The following ANKRD36C variants were observed in gnomAD, a reference collection of about 807,000 sequenced individuals.
ANKRD36C encodes the protein ankyrin repeat domain 36C, also known as ankyrin repeat domain-containing protein 36C.
Under a neutral mutation model 276.4 loss-of-function variants are expected in ANKRD36C, and 61 were observed. The observed-to-expected ratio is 0.22, with a 90% CI of 0.18 to 0.27. ANKRD36C has a LOEUF of 0.27. ANKRD36C is among the 10% of genes least tolerant of loss of function. ANKRD36C has a pLI of 1.00. For synonymous variants in ANKRD36C, 483 were observed against 680.1 expected, an observed-to-expected ratio of 0.71 and a Z score of 4.51; for missense variants, 1,447 against 2,032.3, an observed-to-expected ratio of 0.71 and a Z score of 5.54.
intron 6 of ANKRD36C, among the ~76,000 whole-genome samples, chr2:95,973,811 G>A (rs1177421829): frequency 6.6e-6 from 1 of 152,174 alleles, no homozygotes; most frequent in Non-Finnish European, 1.5e-5. Context: ...GGAGGCTAAG[G>A]CAGGAGGATC....
At chr2:95,897,701 A>G (rs1676595850) in intron 44 of ANKRD36C, among the ~76,000 whole-genome samples, 1 of 145,772 alleles carries the variant, frequency 6.9e-6, no homozygotes, top group African/African-American at 2.5e-5. Context: ...GTCATATGCC[A>G]AAAACTAAAA....
chr2:95,871,152 G>A (rs956544634), intron 59 of ANKRD36C, among the ~76,000 whole-genome samples: 4 of 152,122 alleles, frequency 2.6e-5, no homozygotes, highest in Admixed American at 2.6e-4. Context: ...TTCAGATTCA[G>A]GAAATACAGA....
At chr2:95,965,091 G>A (rs1049314576) in intron 6 of ANKRD36C, among the ~76,000 whole-genome samples, 2 of 151,588 alleles carry the variant, frequency 1.3e-5, no homozygotes, top group Non-Finnish European at 1.5e-5. Context: ...AATAAGACAC[G>A]CTGAGATCCT....
rs1679138683 is a variant in ANKRD36C, at chr2:95,991,505, C to T, written c.197+7G>A. The T allele has an allele frequency of 6.3e-7, 1 of 1,588,826 alleles. No homozygotes were observed. Among genetic ancestry groups the T allele is most frequent in the East Asian group, 2.3e-5 (1 of 44,004 alleles). Reference sequence around the variant, plus strand: ...CTCCCGCAGCCCCGGCTCCCGGCCCCCATTACCTTTCCTTCCTGTCTCTCT... The same window carrying T: ...CTCCCGCAGCCCCGGCTCCCGGCCCTCATTACCTTTCCTTCCTGTCTCTCT... On this transcript the variant is annotated splice_region_variant and intron_variant, in intron 1 of 66. Transcript: ENST00000456556.
chr2:95,913,992 C>T, intron 40 of ANKRD36C, 116 bp downstream of exon 42: 1 of 1,111,972 alleles, frequency 9.0e-7, no homozygotes, highest in African/African-American at 1.6e-5. Context: ...TGAAGAATCT[C>T]AGGACTGCTG....
At chr2:95,922,604 A>C (rs1216586392) in intron 32 of ANKRD36C, among the ~76,000 whole-genome samples, 3 of 151,648 alleles carry the variant, frequency 2.0e-5, no homozygotes, top group Non-Finnish European at 4.4e-5. Flanking sequence ...TCCAATATTC[A>C]TTGAAAATGA....
At chr2:95,855,422 A>C in exon 63 of ANKRD36C, 1 of 1,613,346 alleles carries the variant, frequency 6.2e-7, no homozygotes, top group Non-Finnish European at 8.5e-7. Flanking sequence ...TGGCTTGAAT[A>C]TTAAGTATTG....
At chr2:95,942,240 T>C (rs972367606) in intron 19 of ANKRD36C, among the ~76,000 whole-genome samples, 4 of 152,412 alleles carry the variant, frequency 2.6e-5, no homozygotes, top group African/African-American at 9.6e-5. Flanking sequence ...TTTAAACCTA[T>C]GAAGAACCCT....
rs1389091182 is a variant in ANKRD36C, at chr2:95,981,411, T to C, written c.594-626A>G. Reference sequence around the variant, plus strand: ...AATATACATTCTATATTATATATTATCTATAAAATATATAATATATAGTAT... The same window carrying C: ...AATATACATTCTATATTATATATTACCTATAAAATATATAATATATAGTAT... On this transcript the variant is annotated intron_variant, in intron 4 of 66. Transcript: ENST00000456556. Among the ~76,000 whole-genome samples the C allele has an allele frequency of 2.7e-5, 4 of 147,996 alleles. No individual in the cohort carries two copies. In the South Asian group the frequency reaches 6.3e-4, roughly 23 times the overall value.
chr2:95,861,674 A>G (rs1459952137), intron 60 of ANKRD36C, among the ~76,000 whole-genome samples: 2 of 152,138 alleles, frequency 1.3e-5, no homozygotes, highest in Non-Finnish European at 2.9e-5. Context: ...GAAAGCAGGA[A>G]AAGAAGGGGA....
intron 42 of ANKRD36C, among the ~76,000 whole-genome samples, 182 bp from the exon 47 acceptor site, chr2:95,908,879 G>C (rs1180290017): frequency 2.6e-5 from 4 of 151,268 alleles, no homozygotes; most frequent in African/African-American, 7.3e-5. Context: ...GGGAATACAG[G>C]CTCCACGAAA....
intron 19 of ANKRD36C, among the ~76,000 whole-genome samples, chr2:95,944,013 G>C (rs1204584147): frequency 6.6e-6 from 1 of 152,154 alleles, no homozygotes; most frequent in Non-Finnish European, 1.5e-5. Flanking sequence ...ATGTAAAACA[G>C]AATGTTAAAT....
intron 56 of ANKRD36C, among the ~76,000 whole-genome samples, chr2:95,880,859 C>A (rs897129377): frequency 1.3e-5 from 2 of 152,128 alleles, no homozygotes; most frequent in Non-Finnish European, 2.9e-5. Context: ...TGCACCACAT[C>A]TATTGCTAAA....
At chr2:95,922,496 A>G (rs568525031) in intron 32 of ANKRD36C, among the ~76,000 whole-genome samples, 1 of 151,644 alleles carries the variant, frequency 6.6e-6, no homozygotes, top group Non-Finnish European at 1.5e-5. Flanking sequence ...TATAAACCTC[A>G]ATAAAAAGCA....
chr2:95,987,335 A>G, intron 1 of ANKRD36C, 129 bp from the exon 2 acceptor site: 1 of 1,410,922 alleles, frequency 7.1e-7, no homozygotes, highest in Non-Finnish European at 9.4e-7. Context: ...TTATTACCAC[A>G]TTAATGAAAG....
chr2:95,958,976 G>A (rs879879689), intron 10 of ANKRD36C, among the ~76,000 whole-genome samples, 191 bp from the exon 11 acceptor site: 26 of 152,170 alleles, frequency 1.7e-4, no homozygotes, highest in African/African-American at 2.4e-4. Flanking sequence ...TAGTCTTCAC[G>A]CAACAAACAC....
Position 95,973,519 on chromosome 2 carries a change from T to C in ANKRD36C, c.799+4603A>G, listed in dbSNP as rs561415597. 7.9e-5 allele frequency among the ~76,000 whole-genome samples: 12 copies of C among 152,384 alleles called. No individual in the cohort carries two copies. In the East Asian group the frequency reaches 1.3e-3, roughly 17 times the overall value. Reference sequence around the variant, plus strand: ...AGCCATTGGCTATAATACTGTACTATCGATCATAGAGCTCATTTAATTTGT... The same window carrying C: ...AGCCATTGGCTATAATACTGTACTACCGATCATAGAGCTCATTTAATTTGT... On this transcript the variant is annotated intron_variant, in intron 6 of 66. Coordinates refer to ENST00000456556, the Ensembl canonical transcript of ANKRD36C.
In ANKRD36C at chr2:95,902,971, T is replaced by G. The variant is rs765924178; in HGVS notation, c.2654-3635A>C. ...CGTCTCTTGTAGCCTGAATGGAATT[T>G]GAAATGCAATAATAAATTAATAAAG... On this transcript the variant is annotated intron_variant, in intron 42 of 66. Coordinates refer to ENST00000456556, the Ensembl canonical transcript of ANKRD36C. 1.9e-6 allele frequency: 3 copies of G among 1,571,202 alleles called. No homozygotes were observed. In the African/African-American group the frequency reaches 4.1e-5, roughly 21 times the overall value.
intron 13 of ANKRD36C, among the ~76,000 whole-genome samples, chr2:95,954,688 A>G (rs1013097649): frequency 2.0e-5 from 3 of 152,174 alleles, no homozygotes; most frequent in African/African-American, 7.2e-5. Context: ...AAATTTTAAA[A>G]TCCAATTATC....
Sources: allele counts gnomAD v4.1 joint callset (sites outside exome capture counted in the v4.1 genomes callset), GRCh38; gene constraint gnomAD v4.1.1; transcripts MANE v1.5; gene names NCBI Gene and HGNC (gene_info 2026-07-23, HGNC 2026-07-21).